The following FMNL2 variants were observed in gnomAD, a reference collection of about 807,000 sequenced individuals.
The protein encoded by FMNL2 is formin like 2.
FMNL2 carries 51 observed loss-of-function variants against 130.2 expected under a neutral mutation model. The observed-to-expected ratio is 0.39, with a 90% CI of 0.31 to 0.49. The LOEUF (loss-of-function observed/expected upper bound fraction) is 0.49. Ranked by LOEUF, FMNL2 falls within the 20% of genes least tolerant of loss-of-function variation. FMNL2 has a pLI of 0.85. For synonymous variants in FMNL2, 465 were observed against 467.1 expected (o/e 1.00, Z 0.06); for missense variants, 977 against 1,316.2 (o/e 0.74, Z 3.99).
intron 1 of FMNL2, among the ~76,000 whole-genome samples, chr2:152,430,131 A>G (rs908036706): frequency 2.6e-5 from 4 of 152,248 alleles, no homozygotes; most frequent in African/African-American, 9.6e-5. Context: ...TGAAATTTTT[A>G]TAATACTGGT....
At chr2:152,384,675 G>T (rs961647746) in intron 1 of FMNL2, among the ~76,000 whole-genome samples, 1 of 152,196 alleles carries the variant, frequency 6.6e-6, no homozygotes, top group African/African-American at 2.4e-5. Flanking sequence ...GGTCCCTTGA[G>T]TGCGCCTTCA....
chr2:152,572,106 T>G (rs1213183089), intron 6 of FMNL2, among the ~76,000 whole-genome samples: 1 of 152,198 alleles, frequency 6.6e-6, no homozygotes, highest in East Asian at 1.9e-4. Context: ...TCCTGTGTAT[T>G]GTGGAGGGAT....
intron 1 of FMNL2, among the ~76,000 whole-genome samples, chr2:152,422,371 G>A (rs1157634839): frequency 6.6e-6 from 1 of 152,166 alleles, no homozygotes; most frequent in Admixed American, 6.5e-5. Flanking sequence ...AGGGGGACCA[G>A]GAATAGATTG....
intron 1 of FMNL2, among the ~76,000 whole-genome samples, chr2:152,342,826 G>A (rs534342586): frequency 5.3e-5 from 8 of 152,310 alleles, no homozygotes; most frequent in East Asian, 3.9e-4. Flanking sequence ...TGGACCAGAC[G>A]GGCTTGGAAT....
intron 1 of FMNL2, among the ~76,000 whole-genome samples, chr2:152,373,940 A>G (rs1248479359): frequency 6.6e-6 from 1 of 152,060 alleles, no homozygotes; most frequent in African/African-American, 2.4e-5. Flanking sequence ...AGAAGAGGCT[A>G]GGAGGTGTTC....
rs1316975690 is a variant in FMNL2 at position 152,619,041 on chromosome 2, A to G, written c.1510A>G (p.Met504Val). Residue 504 changes from methionine to valine, a missense_variant, in exon 14 of 26, where the codon ATG (methionine) becomes GTG (valine). Physicochemically the swap from Met to Val is conservative, Grantham distance 21. Coordinates refer to ENST00000288670, the MANE Select transcript of FMNL2 (RefSeq NM_052905.4). ...LPVVASGTLS[M>V]GSEVVAGNSV... ...AGTTGTGGCTTCTGGCACATTGTCC[A>G]TGGGGTCAGAAGTGGTAGCAGGTAA... is the stretch of plus-strand genomic sequence containing the variant. 1.2e-6 allele frequency: 2 copies of G among 1,614,062 alleles called. No homozygotes were observed. The highest frequency in any genetic ancestry group is 4.5e-5 in the East Asian group (2 of 44,880).
At chr2:152,625,287 G>A in intron 15 of FMNL2, 151 bp from the exon 16 acceptor site, 1 of 826,864 alleles carries the variant, frequency 1.2e-6, no homozygotes, top group East Asian at 2.7e-5. Flanking sequence ...GGCCATGTGT[G>A]TTGTTTTCCA....
intron 25 of FMNL2, among the ~76,000 whole-genome samples, chr2:152,642,658 A>G (rs1212680850): frequency 6.6e-6 from 1 of 152,232 alleles, no homozygotes; most frequent in Non-Finnish European, 1.5e-5. Flanking sequence ...TTTTGGTCTC[A>G]GTGCCATAAA....
Position 152,562,865 on chromosome 2 carries a change from G to A in FMNL2, c.596+1830G>A, listed in dbSNP as rs73968083. Among the ~76,000 whole-genome samples the A allele has an allele frequency of 5.7e-3, 866 of 152,110 alleles. 3 individuals are homozygous for A. Among genetic ancestry groups the A allele is most frequent in the African/African-American group, 0.017 (691 of 41,488 alleles). ...TAGTTTAACTGTAATTATTTGTAAG[G>A]GATTTAATTTACAAAGTACATTTTA... On this transcript the variant is annotated intron_variant, in intron 6 of 25. Coordinates refer to ENST00000288670, the MANE Select transcript of FMNL2 (RefSeq NM_052905.4).
At chr2:152,583,121 G>A (rs1580012066) in intron 9 of FMNL2, among the ~76,000 whole-genome samples, 1 of 152,198 alleles carries the variant, frequency 6.6e-6, no homozygotes, top group Non-Finnish European at 1.5e-5. Flanking sequence ...GAAGAAAAAT[G>A]TAATCCTAAG....
chr2:152,392,895 G>A (rs925532227), intron 1 of FMNL2, among the ~76,000 whole-genome samples: 9 of 152,148 alleles, frequency 5.9e-5, no homozygotes, highest in Non-Finnish European at 1.2e-4. Flanking sequence ...AGTGGGAGGG[G>A]AGAGAGCTGC....
Position 152,575,225 on chromosome 2 carries a change from G to A in FMNL2, c.686G>A (p.Arg229His), listed in dbSNP as rs1331678296. The change falls in exon 7 of 26, where the codon CGT becomes CAT. Residue 229 changes from arginine (R) to histidine (H), a missense_variant. Arg to His is a conservative substitution (Grantham distance 29, BLOSUM62 0). Transcript: ENST00000288670. The part of the protein sequence containing the change: ...DDVHVCIMCL[R>H]AIMNYQYGFN... The stretch of plus-strand genomic sequence containing the variant: ...GTGCATGTCTGTATCATGTGTTTAC[G>A]TGCCATCATGAATTATCAGGTATGT... 3 of 1,597,392 alleles carry A rather than the reference G, an allele frequency of 1.9e-6. No individual in the cohort carries two copies. The highest frequency in any genetic ancestry group is 2.6e-6 in the Non-Finnish European group (3 of 1,170,656).
chr2:152,619,390 A>G, intron 14 of FMNL2, 119 bp from the exon 15 acceptor site: 1 of 1,464,610 alleles, frequency 6.8e-7, no homozygotes, highest in Admixed American at 2.6e-5. Context: ...TGGTTTTTGA[A>G]AACAGTCCTT....
At chr2:152,636,984 G>A (rs1416522478) in intron 22 of FMNL2, among the ~76,000 whole-genome samples, 2 of 152,158 alleles carry the variant, frequency 1.3e-5, no homozygotes, top group Admixed American at 1.3e-4. Flanking sequence ...TGATAGATAG[G>A]CAGGCCTGCA....
intron 1 of FMNL2, among the ~76,000 whole-genome samples, chr2:152,408,894 G>C (rs1410247577): frequency 6.6e-6 from 1 of 152,178 alleles, no homozygotes; most frequent in Non-Finnish European, 1.5e-5. Flanking sequence ...TTGGAAAATT[G>C]TAAGTCAGGG....
At chr2:152,585,843 T>A (rs181909792) in intron 9 of FMNL2, among the ~76,000 whole-genome samples, 124 of 152,200 alleles carry the variant, frequency 8.1e-4, no homozygotes, top group Non-Finnish European at 6.8e-4. Context: ...TTTCTTAGTC[T>A]TTTTACTTTT....
intron 1 of FMNL2, among the ~76,000 whole-genome samples, chr2:152,412,710 A>C (rs1282276582): frequency 3.3e-5 from 5 of 151,528 alleles, no homozygotes; most frequent in Non-Finnish European, 7.4e-5. Flanking sequence ...TGGGAGGCTG[A>C]GGTGGGAGGA....
chr2:152,613,633 A>G (rs1261829264), intron 11 of FMNL2, among the ~76,000 whole-genome samples: 1 of 152,198 alleles, frequency 6.6e-6, no homozygotes, highest in Non-Finnish European at 1.5e-5. Flanking sequence ...AAAACTCTGT[A>G]TTTCTTTAAC....
At chr2:152,369,980 G>T in intron 1 of FMNL2, among the ~76,000 whole-genome samples, 1 of 152,172 alleles carries the variant, frequency 6.6e-6, no homozygotes. Context: ...AATAGGGTAT[G>T]AAGCCTATAG....
Sources: allele counts gnomAD v4.1 joint callset (sites outside exome capture counted in the v4.1 genomes callset), GRCh38; gene constraint gnomAD v4.1.1; transcripts MANE v1.5; gene names NCBI Gene and HGNC (gene_info 2026-07-23, HGNC 2026-07-21).